Variants in ACTG2 observed in about 807,000 individuals in gnomAD.
The protein encoded by ACTG2 is actin gamma 2, smooth muscle, also known as actin, gamma-enteric smooth muscle.
A neutral mutation model predicts 37.6 loss-of-function variants in ACTG2; 16 were observed. That is an observed-to-expected ratio of 0.43 (90% confidence interval 0.29 to 0.65). The LOEUF (loss-of-function observed/expected upper bound fraction) is 0.65, where lower values mean the gene tolerates loss of function less well. ACTG2 is among the 30% of genes least tolerant of loss of function. The pLI is 0.18. For synonymous variants in ACTG2, 181 were observed against 179.9 expected (o/e 1.01, Z -0.05); for missense variants, 238 against 490.9 (o/e 0.48, Z 4.87).
intron 1 of ACTG2, among the ~76,000 whole-genome samples, chr2:73,899,206 T>A (rs974155512): frequency 4.6e-5 from 7 of 152,164 alleles, no homozygotes; most frequent in Admixed American, 4.6e-4. Context: ...GGGTCACTTG[T>A]AATCTCAGCA....
chr2:73,898,290 G>A (rs1413718742), intron 1 of ACTG2, among the ~76,000 whole-genome samples: 1 of 118,522 alleles, frequency 8.4e-6, no homozygotes, highest in Admixed American at 9.4e-5. Context: ...GAGATCTCTG[G>A]CTAAGTTCTT....
intron 1 of ACTG2, among the ~76,000 whole-genome samples, chr2:73,900,502 A>G (rs1679851551): frequency 1.3e-5 from 2 of 152,232 alleles, no homozygotes; most frequent in African/African-American, 4.8e-5. Context: ...GGATCTCAGC[A>G]TGGGGTAGGG....
At chr2:73,918,235 G>A (rs1461252215) in intron 8 of ACTG2, among the ~76,000 whole-genome samples, 1 of 152,194 alleles carries the variant, frequency 6.6e-6, no homozygotes, top group Non-Finnish European at 1.5e-5. Flanking sequence ...GGGAGATGAG[G>A]CAAGTCTCAA....
At chr2:73,901,710 C>A (rs552958659) in intron 2 of ACTG2, 2 of 463,466 alleles carry the variant, frequency 4.3e-6, no homozygotes, top group African/African-American at 4.0e-5. Context: ...CCAAAACCAA[C>A]ATACATCAGG....
intron 8 of ACTG2, among the ~76,000 whole-genome samples, chr2:73,917,782 A>G (rs1680300076): frequency 6.6e-6 from 1 of 152,232 alleles, no homozygotes; most frequent in African/African-American, 2.4e-5. Flanking sequence ...GAAACTGGTG[A>G]GAACCTGTGG....
At chr2:73,904,134 A>G (rs935379222) in intron 3 of ACTG2, among the ~76,000 whole-genome samples, 1 of 150,768 alleles carries the variant, frequency 6.6e-6, no homozygotes, top group Non-Finnish European at 1.5e-5. Flanking sequence ...CTGCGGTCTC[A>G]GCTATTCAGG....
At chr2:73,913,170 C>CAAAAAA (rs58764001) in intron 5 of ACTG2, among the ~76,000 whole-genome samples, 5,271 of 102,080 alleles carry the variant, frequency 0.052, 339 homozygotes, top group Middle Eastern at 0.075. Flanking sequence ...ACTCTGTCTC[C>CAAAAAA]AAAAAAAAAA....
rs61362643 is a variant in ACTG2 at position 73,903,939 on chromosome 2, C to CAAAAAAAAAAAAA, written c.255+1459_255+1471dup. On this transcript the variant is annotated intron_variant, in intron 3 of 8. Coordinates refer to ENST00000345517, the MANE Select transcript of ACTG2 (RefSeq NM_001615.4). The stretch of plus-strand genomic sequence containing the variant: ...TGGGTGACAGAGTGAGACTCCGTCT[C>CAAAAAAAAAAAAA]AAAAAAAAAAAAAAAAAAAACAAAA... Among the ~76,000 whole-genome samples, 24 of 90,010 alleles carry CAAAAAAAAAAAAA rather than the reference C, an allele frequency of 2.7e-4. 1 individual carries two copies. The highest frequency in any genetic ancestry group is 3.7e-4 in the East Asian group (1 of 2,682). The allele number at this position is 90,010 out of a possible 152,430, so 59.1% of individuals were successfully genotyped here.
Position 73,913,341 on chromosome 2 carries a change from T to C in ACTG2, c.452-144T>C, listed in dbSNP as rs960267380. ...TGACATACATAAAAAATAAAAAATA[T>C]GATTGATGATTCTTGTGATGGGTGA... On this transcript the variant is annotated intron_variant, in intron 5 of 8. Coordinates refer to ENST00000345517, the MANE Select transcript of ACTG2 (RefSeq NM_001615.4). The C allele has an allele frequency of 5.1e-6, 4 of 783,158 alleles. No homozygotes were observed. The African/African-American group carries it at 7.1e-5, about 14-fold the overall frequency. 48.5% of individuals were successfully genotyped at this position (783,158 alleles called of 1,614,324 possible). A position where few individuals can be genotyped will look rare whatever the true frequency, so the allele number is the denominator to read the frequency against.
intron 2 of ACTG2, 86 bp downstream of exon 2, chr2:73,901,523 G>T: frequency 7.4e-7 from 1 of 1,345,064 alleles, no homozygotes. Flanking sequence ...TGGGGGTTAG[G>T]GGAAGGAAAT....
Position 73,919,415 on chromosome 2 carries a change from A to C in ACTG2, c.988-17A>C, listed in dbSNP as rs755063869. ...CCTTGGGGACTGATCATGATTCACC[A>C]CATTTGTTCTTTGCAGATTATTGCT... On this transcript the variant is annotated splice_polypyrimidine_tract_variant and intron_variant, in intron 8 of 8. Transcript: ENST00000345517. 2 of 1,611,472 alleles carry C rather than the reference A, an allele frequency of 1.2e-6. No individual in the cohort carries two copies. Among genetic ancestry groups the C allele is most frequent in the Admixed American group, 3.3e-5 (2 of 59,802 alleles).
At chr2:73,906,266 A>G (rs1436192985) in intron 3 of ACTG2, among the ~76,000 whole-genome samples, 1 of 151,688 alleles carries the variant, frequency 6.6e-6, no homozygotes, top group East Asian at 1.9e-4. Context: ...CCTGGCTAAC[A>G]CGGTGAAACC....
intron 3 of ACTG2, among the ~76,000 whole-genome samples, chr2:73,906,644 A>G (rs2104812910): frequency 6.6e-6 from 1 of 151,724 alleles, no homozygotes; most frequent in Non-Finnish European, 1.5e-5. Context: ...CATCCAGTTG[A>G]TTTTTTAATT....
At chr2:73,910,263 C>A (rs1044828527) in intron 5 of ACTG2, among the ~76,000 whole-genome samples, 2 of 151,108 alleles carry the variant, frequency 1.3e-5, no homozygotes, top group Non-Finnish European at 2.9e-5. Flanking sequence ...AATAAATTAA[C>A]CTTAGCTTAC....
At chr2:73,912,862 T>C (rs1680167202) in intron 5 of ACTG2, among the ~76,000 whole-genome samples, 1 of 152,174 alleles carries the variant, frequency 6.6e-6, no homozygotes, top group African/African-American at 2.4e-5. Context: ...CGTTATGATG[T>C]GGCTGTTAGA....
At chr2:73,917,850 G>A (rs946608308) in intron 8 of ACTG2, among the ~76,000 whole-genome samples, 1 of 151,886 alleles carries the variant, frequency 6.6e-6, no homozygotes, top group Non-Finnish European at 1.5e-5. Flanking sequence ...CCTGTGGAGA[G>A]CTGTGCCAGG....
chr2:73,910,241 T>G (rs1422928725), intron 5 of ACTG2, among the ~76,000 whole-genome samples: 2 of 149,734 alleles, frequency 1.3e-5, no homozygotes, highest in African/African-American at 4.9e-5. Context: ...TATATATTAT[T>G]CTTTCTTCAA....
At position 73,893,029 on chromosome 2, in the gene ACTG2, G is replaced by A. The variant is rs1246050798; in HGVS notation, c.-59G>A. 1.3e-5 allele frequency: 2 copies of A among 152,274 alleles called. No homozygotes were observed. Among genetic ancestry groups the A allele is most frequent in the African/African-American group, 4.8e-5 (2 of 41,436 alleles). The allele number at this position is 152,274 out of a possible 1,614,324, so 9.4% of individuals were successfully genotyped here. ...AGACACACCAGCCCTCAGTCACTGG[G>A]AGAAGAACCTCTCATACCCTCGGTA... On this transcript the variant is annotated 5_prime_UTR_variant, in exon 1 of 9. Transcript: ENST00000345517.
In ACTG2 at chr2:73,909,873, A is replaced by G. The variant is rs538446720; in HGVS notation, c.451+734A>G. 1.0e-3 allele frequency among the ~76,000 whole-genome samples: 152 copies of G among 152,306 alleles called. 4 individuals are homozygous for G. The South Asian group carries it at 0.03, about 31-fold the overall frequency. On this transcript the variant is annotated intron_variant, in intron 5 of 8. Transcript: ENST00000345517. ...AAGACCTAAAATGTTACTGTGTACT[A>G]CTGTAGACTATAAACACTGTACACA...
Sources: gnomAD v4.1 joint callset for allele counts (sites outside exome capture counted in the v4.1 genomes callset) on GRCh38, gnomAD v4.1.1 for gene constraint, MANE v1.5 for transcripts, NCBI Gene and HGNC (gene_info 2026-07-23, HGNC 2026-07-21) for gene names.